The following WDFY4 variants were observed in gnomAD, a reference collection of about 807,000 sequenced individuals.
The protein encoded by WDFY4 is WD repeat- and FYVE domain-containing protein 4.
Under a neutral mutation model 351.9 loss-of-function variants are expected in WDFY4, and 169 were observed. The observed-to-expected ratio is 0.48, with a 90% CI of 0.42 to 0.55. The LOEUF is 0.55. WDFY4 is among the 20% of genes least tolerant of loss of function. The probability of loss-of-function intolerance (pLI) is 0.00; values close to 1 mark genes in which losing one functional copy is unlikely to be tolerated. For missense variants in WDFY4, 3,803 were observed against 3,935.6 expected (o/e 0.97, Z 0.90); for synonymous variants, 1,622 against 1,574.6 (o/e 1.03, Z -0.71).
intron 23 of WDFY4, 37 bp downstream of exon 23, chr10:48,790,954 A>G (rs955179166): frequency 1.3e-6 from 2 of 1,548,302 alleles, no homozygotes; most frequent in East Asian, 4.9e-5. Flanking sequence ...GAGACTCCTG[A>G]AAGGGCTGTC....
chr10:48,779,109 C>T (rs1057475199), intron 18 of WDFY4, among the ~76,000 whole-genome samples: 2 of 152,198 alleles, frequency 1.3e-5, no homozygotes, highest in African/African-American at 4.8e-5. Context: ...TCAGAAACTT[C>T]GCCCTGGCAG....
chr10:48,910,950 A>T, intron 47 of WDFY4: 2 of 979,792 alleles, frequency 2.0e-6, no homozygotes, highest in South Asian at 9.4e-5. Context: ...ATACCTAAGG[A>T]GGGAAAATTA....
intron 47 of WDFY4, among the ~76,000 whole-genome samples, chr10:48,938,939 G>T (rs947625619): frequency 3.9e-5 from 6 of 152,150 alleles, no homozygotes; most frequent in Middle Eastern, 3.2e-3. Flanking sequence ...GCCCAATAAG[G>T]CCAGGCCGGG....
chr10:48,841,821 T>C (rs1204352385), intron 39 of WDFY4, among the ~76,000 whole-genome samples: 1 of 152,228 alleles, frequency 6.6e-6, no homozygotes, highest in African/African-American at 2.4e-5. Context: ...ACAGAGTCAC[T>C]GCACACCTGC....
In WDFY4 at chr10:48,946,063, G is replaced by T; in HGVS notation, c.7773G>T (p.Lys2591Asn). 1.9e-6 allele frequency: 3 copies of T among 1,543,858 alleles called. No individual in the cohort carries two copies. Among genetic ancestry groups the T allele is most frequent in the Non-Finnish European group, 2.6e-6 (3 of 1,145,034 alleles). Residue 2591 changes from lysine to asparagine, a missense_variant, in exon 50 of 62, where the codon AAG (lysine) becomes AAT (asparagine). Transcript: ENST00000325239. ...TSETLNLANP[K>N]IFRDLSKPMG... Reference sequence around the variant, plus strand: ...AGACATTGAACTTGGCAAATCCGAAGATTTTCCGGGATCTTTCAAAGCCCA... The same window carrying T: ...AGACATTGAACTTGGCAAATCCGAATATTTTCCGGGATCTTTCAAAGCCCA...
chr10:48,897,379 G>A (rs1422465327), intron 44 of WDFY4, 75 bp from the exon 45 acceptor site: 6 of 1,515,540 alleles, frequency 4.0e-6, no homozygotes, highest in Admixed American at 2.0e-5. Flanking sequence ...GTGGAGGGCA[G>A]GAAGAAGAAG....
At chr10:48,877,727 CTG>C (rs1283579923) in intron 43 of WDFY4, among the ~76,000 whole-genome samples, 2 of 152,186 alleles carry the variant, frequency 1.3e-5, no homozygotes, top group Non-Finnish European at 2.9e-5. Context: ...AAGGGTGGCT[CTG>C]GGGATGAAGT....
rs1207316888 is a variant in WDFY4 at position 48,820,449 on chromosome 10, A to G, written c.5709+12A>G. ...AGGTGCTCCTGGAGGTGGGTTGGAA[A>G]AGGTGACATTGGGCCATGTGCTGTG... is the stretch of plus-strand genomic sequence containing the variant. On this transcript the variant is annotated intron_variant, in intron 33 of 61. Transcript: ENST00000325239. 6.5e-7 allele frequency: 1 copy of G among 1,550,370 alleles called. No individual in the cohort carries two copies. The highest frequency in any genetic ancestry group is 1.4e-5 in the African/African-American group (1 of 73,104).
At chr10:48,877,271 C>A in intron 43 of WDFY4, 72 bp downstream of exon 43, 1 of 1,390,542 alleles carries the variant, frequency 7.2e-7, no homozygotes, top group Non-Finnish European at 9.8e-7. Context: ...AGGAGAAAAC[C>A]AAGCTTTCGC....
chr10:48,981,984 G>T (rs182210889), intron 61 of WDFY4, among the ~76,000 whole-genome samples: 195 of 152,288 alleles, frequency 1.3e-3, no homozygotes, highest in African/African-American at 4.4e-3. Context: ...TGTACACACT[G>T]CGAGGTGCAG....
At chr10:48,976,697 A>G (rs1197504450) in intron 58 of WDFY4, 100 bp from the exon 59 acceptor site, 1 of 1,123,636 alleles carries the variant, frequency 8.9e-7, no homozygotes, top group Non-Finnish European at 1.2e-6. Flanking sequence ...AGAGCATGAC[A>G]GATTGAGAGT....
chr10:48,821,860 C>T (rs778881340), intron 34 of WDFY4, among the ~76,000 whole-genome samples: 1 of 152,180 alleles, frequency 6.6e-6, no homozygotes, highest in African/African-American at 2.4e-5. Context: ...CTTGGCTCTG[C>T]CACTGGACAG....
At chr10:48,922,657 G>A (rs10776655) in intron 47 of WDFY4, among the ~76,000 whole-genome samples, 78,621 of 152,028 alleles carry the variant, frequency 0.52, 23,755 homozygotes, top group East Asian at 1. Flanking sequence ...TTCAATGGGG[G>A]TCTTAGAACA....
At chr10:48,850,504 TCTC>T (rs67969536) in intron 39 of WDFY4, among the ~76,000 whole-genome samples, 19,484 of 152,154 alleles carry the variant, frequency 0.13, 1,356 homozygotes, top group Middle Eastern at 0.21. Flanking sequence ...ACTCTCTTGA[TCTC>T]CTTTTTTCTG....
chr10:48,786,181 G>A (rs1210187403), intron 19 of WDFY4, among the ~76,000 whole-genome samples: 3 of 152,004 alleles, frequency 2.0e-5, no homozygotes, highest in Non-Finnish European at 4.4e-5. Flanking sequence ...TTTGTGTATT[G>A]ATCATGTATC....
At chr10:48,767,352 C>T (rs1004381434) in intron 13 of WDFY4, among the ~76,000 whole-genome samples, 4 of 152,210 alleles carry the variant, frequency 2.6e-5, no homozygotes, top group African/African-American at 9.7e-5. Context: ...TCCCTTCTAG[C>T]TCTGACAGTC....
chr10:48,796,617 G>A (rs1038360918), intron 24 of WDFY4, among the ~76,000 whole-genome samples, 167 bp downstream of exon 24: 2 of 152,218 alleles, frequency 1.3e-5, no homozygotes, highest in East Asian at 1.9e-4. Flanking sequence ...GTAATGACAT[G>A]TGCCACCTAT....
At chr10:48,974,707 A>G (rs936079548) in intron 57 of WDFY4, among the ~76,000 whole-genome samples, 155 bp from the exon 58 acceptor site, 16 of 151,856 alleles carry the variant, frequency 1.1e-4, no homozygotes, top group African/African-American at 2.9e-4. Flanking sequence ...ACATGCACAC[A>G]CCCCCAGCTG....
At chr10:48,895,926 T>C (rs1837054351) in intron 44 of WDFY4, among the ~76,000 whole-genome samples, 1 of 152,140 alleles carries the variant, frequency 6.6e-6, no homozygotes, top group Non-Finnish European at 1.5e-5. Context: ...TCATCACACG[T>C]GGGTCCCTTC....
Sources: allele counts gnomAD v4.1 joint callset (sites outside exome capture counted in the v4.1 genomes callset), GRCh38; gene constraint gnomAD v4.1.1; transcripts MANE v1.5; gene names NCBI Gene and HGNC (gene_info 2026-07-23, HGNC 2026-07-21).